The following MAGI2 variants were observed in gnomAD, a reference collection of about 807,000 sequenced individuals.
MAGI2 encodes the protein membrane associated guanylate kinase, WW and PDZ domain containing 2, also known as membrane-associated guanylate kinase, WW and PDZ domain-containing protein 2.
A neutral mutation model predicts 133.3 loss-of-function variants in MAGI2; 35 were observed. That is an observed-to-expected ratio of 0.26 (90% CI 0.20 to 0.35). The LOEUF is 0.35. Ranked by LOEUF, MAGI2 falls within the 10% of genes least tolerant of loss-of-function variation. The pLI is 1.00. For synonymous variants in MAGI2, 729 were observed against 710.6 expected, an observed-to-expected ratio of 1.03 and a Z score of -0.41; for missense variants, 1,636 against 1,863.4, an observed-to-expected ratio of 0.88 and a Z score of 2.25.
chr7:78,538,533 A>T (rs1798150184), intron 3 of MAGI2, among the ~76,000 whole-genome samples: 2 of 152,082 alleles, frequency 1.3e-5, no homozygotes, highest in Admixed American at 6.6e-5. Context: ...CCTTGTAGAG[A>T]TCTTTTACCT....
At position 78,857,513 on chromosome 7, in the gene MAGI2, T is replaced by G. The variant is rs186528864; in HGVS notation, c.418+149577A>C. On this transcript the variant is annotated intron_variant, in intron 2 of 21. Coordinates refer to ENST00000354212, the MANE Select transcript of MAGI2 (RefSeq NM_012301.4). ...TTTTCTGCATCTATTGAGATAATCATGTGGTTTTTGTGTTTGGTTCTGTTT... is the reference window on the plus strand; with the variant it reads ...TTTTCTGCATCTATTGAGATAATCAGGTGGTTTTTGTGTTTGGTTCTGTTT... Among the ~76,000 whole-genome samples the G allele has an allele frequency of 2.2e-4, 34 of 152,332 alleles. No individual in the cohort carries two copies. In the East Asian group the frequency reaches 5.4e-3, roughly 24 times the overall value.
At chr7:78,364,470 G>A (rs1292307925) in intron 7 of MAGI2, among the ~76,000 whole-genome samples, 1 of 152,168 alleles carries the variant, frequency 6.6e-6, no homozygotes, top group Non-Finnish European at 1.5e-5. Context: ...ATATTATGCA[G>A]TATTTTTCAT....
intron 2 of MAGI2, among the ~76,000 whole-genome samples, chr7:78,789,306 C>G (rs1218044934): frequency 6.6e-6 from 1 of 152,108 alleles, no homozygotes; most frequent in East Asian, 1.9e-4. Flanking sequence ...CTTAGGGAAA[C>G]AAGAAATCTT....
intron 14 of MAGI2, among the ~76,000 whole-genome samples, chr7:78,173,440 A>AT (rs1465584205): frequency 6.6e-6 from 1 of 152,188 alleles, no homozygotes; most frequent in African/African-American, 2.4e-5. Context: ...GTTGAAGATA[A>AT]TATCTACAGA....
intron 16 of MAGI2, among the ~76,000 whole-genome samples, chr7:78,157,268 G>C (rs1332755776): frequency 6.6e-6 from 1 of 152,100 alleles, no homozygotes; most frequent in Admixed American, 6.5e-5. Flanking sequence ...AACATGTGAA[G>C]AAAAGCCATG....
At chr7:78,709,293 C>A (rs550905281) in intron 2 of MAGI2, among the ~76,000 whole-genome samples, 1 of 151,978 alleles carries the variant, frequency 6.6e-6, no homozygotes, top group South Asian at 2.1e-4. Context: ...CCCACCCCCA[C>A]TCCACACACA....
At chr7:79,210,612 G>C (rs537207058) in intron 1 of MAGI2, among the ~76,000 whole-genome samples, 5 of 152,044 alleles carry the variant, frequency 3.3e-5, no homozygotes, top group Non-Finnish European at 7.4e-5. Context: ...TTTTTGCATG[G>C]GAAATGTCCC....
chr7:78,929,225 A>G (rs1329005202), intron 2 of MAGI2, among the ~76,000 whole-genome samples: 1 of 152,118 alleles, frequency 6.6e-6, no homozygotes, highest in African/African-American at 2.4e-5. Flanking sequence ...AAGAAAGGTG[A>G]ACATTTTAAA....
chr7:79,136,084 A>G (rs146230801), intron 1 of MAGI2, among the ~76,000 whole-genome samples: 103 of 141,042 alleles, frequency 7.3e-4, no homozygotes, highest in African/African-American at 2.5e-3. Flanking sequence ...AAAGAAAGAA[A>G]GAAAGAAAGA....
intron 1 of MAGI2, among the ~76,000 whole-genome samples, chr7:79,103,508 T>C (rs1446522416): frequency 1.3e-5 from 2 of 151,802 alleles, no homozygotes; most frequent in African/African-American, 4.8e-5. Context: ...ATAATAAAAA[T>C]TATTATTGAA....
At chr7:78,563,345 C>T (rs1329885480) in intron 3 of MAGI2, among the ~76,000 whole-genome samples, 1 of 152,184 alleles carries the variant, frequency 6.6e-6, no homozygotes, top group Non-Finnish European at 1.5e-5. Context: ...GGGCTGCATT[C>T]AATGCTCAAA....
At chr7:78,653,593 A>G (rs1811809034) in intron 2 of MAGI2, among the ~76,000 whole-genome samples, 2 of 151,848 alleles carry the variant, frequency 1.3e-5, no homozygotes, top group African/African-American at 4.8e-5. Flanking sequence ...ATGAGAACAC[A>G]TGGACACAGG....
intron 1 of MAGI2, among the ~76,000 whole-genome samples, chr7:79,272,745 G>A (rs1162878472): frequency 6.6e-6 from 1 of 151,894 alleles, no homozygotes; most frequent in Non-Finnish European, 1.5e-5. Flanking sequence ...TAATACCATA[G>A]TACTCTATGA....
chr7:79,446,915 G>A (rs1848894136), intron 1 of MAGI2, among the ~76,000 whole-genome samples: 1 of 152,058 alleles, frequency 6.6e-6, no homozygotes, highest in Non-Finnish European at 1.5e-5. Flanking sequence ...TCACGCCACT[G>A]CACTCCAGCC....
rs142655229 is a variant in MAGI2 at position 78,978,448 on chromosome 7, T to C, written c.418+28642A>G. ...TGTACTCTACATGATTCTGTTTCAA[T>C]AACATTCTGGAAAAGACAAAACAGA... On this transcript the variant is annotated intron_variant, in intron 2 of 21. Transcript: ENST00000354212. 4.9e-4 allele frequency among the ~76,000 whole-genome samples: 74 copies of C among 151,926 alleles called. 1 individual carries two copies. The East Asian group carries it at 0.012, about 26-fold the overall frequency.
chr7:79,099,043 G>A (rs1284047238), intron 1 of MAGI2, among the ~76,000 whole-genome samples: 3 of 152,102 alleles, frequency 2.0e-5, no homozygotes, highest in Non-Finnish European at 4.4e-5. Flanking sequence ...CATGCCAGAC[G>A]TGTCTATGAA....
chr7:79,309,412 G>A (rs114027325), intron 1 of MAGI2, among the ~76,000 whole-genome samples: 4,719 of 150,226 alleles, frequency 0.031, 105 homozygotes, highest in African/African-American at 0.051. Context: ...ATATAATATA[G>A]ATATGATTTA....
At chr7:78,086,394 C>T (rs554207820) in intron 20 of MAGI2, among the ~76,000 whole-genome samples, 3 of 150,670 alleles carry the variant, frequency 2.0e-5, no homozygotes, top group Admixed American at 6.6e-5. Context: ...CACTCCACCA[C>T]GCTTGGCTAA....
intron 2 of MAGI2, among the ~76,000 whole-genome samples, chr7:78,880,697 A>G (rs535426729): frequency 5.9e-5 from 9 of 152,302 alleles, no homozygotes; most frequent in Non-Finnish European, 1.3e-4. Context: ...TAACAACTCC[A>G]TGATAGAATC....
Sources: gnomAD v4.1 joint callset for allele counts (sites outside exome capture counted in the v4.1 genomes callset) on GRCh38, gnomAD v4.1.1 for gene constraint, MANE v1.5 for transcripts, NCBI Gene and HGNC (gene_info 2026-07-23, HGNC 2026-07-21) for gene names.